HSP90AA1: variants seen among roughly 807,000 people sequenced by gnomAD.
HSP90AA1 encodes heat shock protein HSP 90-alpha.
A neutral mutation model predicts 73.3 loss-of-function variants in HSP90AA1; 18 were observed. That is an observed-to-expected ratio of 0.25 (90% CI 0.17 to 0.36). HSP90AA1 has a LOEUF of 0.36. Among genes scored for constraint, HSP90AA1 ranks in the 10% least tolerant of loss-of-function variants. The pLI is 1.00. For synonymous variants in HSP90AA1, 477 were observed against 296.9 expected, an observed-to-expected ratio of 1.61 and a Z score of -6.24; for missense variants, 704 against 874.2, an observed-to-expected ratio of 0.81 and a Z score of 2.45.
At chr14:102,118,752 T>A (rs1361113608) in intron 1 of HSP90AA1, among the ~76,000 whole-genome samples, 4 of 152,088 alleles carry the variant, frequency 2.6e-5, no homozygotes, top group Non-Finnish European at 5.9e-5. Flanking sequence ...AACAACTACA[T>A]GTTTTGTTAT....
chr14:102,134,619 G>A (rs540778620), intron 1 of HSP90AA1, among the ~76,000 whole-genome samples: 6 of 152,222 alleles, frequency 3.9e-5, no homozygotes, highest in African/African-American at 1.4e-4. Context: ...GACCTTCACG[G>A]TGAGTATTAC....
chr14:102,130,713 T>A (rs574978324), intron 1 of HSP90AA1, among the ~76,000 whole-genome samples: 146 of 152,196 alleles, frequency 9.6e-4, no homozygotes, highest in African/African-American at 3.2e-3. Context: ...TACATTTAGG[T>A]CTTTAATTCA....
chr14:102,094,773 C>T (rs1321788546), intron 2 of HSP90AA1, among the ~76,000 whole-genome samples: 1 of 152,132 alleles, frequency 6.6e-6, no homozygotes, highest in East Asian at 1.9e-4. Flanking sequence ...GGACTGGAAA[C>T]GTGGCCTGGA....
intron 1 of HSP90AA1, among the ~76,000 whole-genome samples, chr14:102,115,531 C>A (rs2049695401): frequency 6.6e-6 from 1 of 152,100 alleles, no homozygotes; most frequent in South Asian, 2.1e-4. Flanking sequence ...ACACCAACAG[C>A]AATAATATGC....
intron 1 of HSP90AA1, among the ~76,000 whole-genome samples, chr14:102,132,246 A>G (rs2049915596): frequency 6.6e-6 from 1 of 152,238 alleles, no homozygotes. Flanking sequence ...ACATGCCTGT[A>G]GTCCCAGCTA....
chr14:102,081,445 A>G lies in HSP90AA1; in HGVS notation c.*267T>C, dbSNP rs1170318513. On this transcript the variant is annotated 3_prime_UTR_variant, in exon 11 of 11. Coordinates refer to ENST00000216281, the MANE Select transcript of HSP90AA1 (RefSeq NM_005348.4). ...AAACACTTTAGACCACAAAGTTAAC[A>G]TCATGTTACATACGTCTTACAGTGC... 5.6e-6 allele frequency: 3 copies of G among 538,928 alleles called. No individual in the cohort carries two copies. Among genetic ancestry groups the G allele is most frequent in the Non-Finnish European group, 1.0e-5 (3 of 301,246 alleles). The allele number at this position is 538,928 out of a possible 1,614,324, so 33.4% of individuals were successfully genotyped here.
In HSP90AA1 at chr14:102,083,574, C is replaced by T. The variant is rs956505654; in HGVS notation, c.1458G>A (p.Glu486=). ...TGATATAATAGATATGTTTCTGGTT[C>T]TCCTTCATTCTGGTGCAGTAGTCCT... is the stretch of plus-strand genomic sequence containing the variant. ...SLKDYCTRMK[E]NQKHIYYITG... Residue 486 remains glutamate, a synonymous_variant, in exon 8 of 11, where the codon GAG becomes GAA. Transcript: ENST00000216281. The T allele has an allele frequency of 1.9e-6, 3 of 1,613,746 alleles. No homozygotes were observed. The highest frequency in any genetic ancestry group is 1.1e-5 in the South Asian group (1 of 91,078).
intron 1 of HSP90AA1, among the ~76,000 whole-genome samples, chr14:102,104,668 G>C (rs955981923): frequency 6.6e-6 from 1 of 152,008 alleles, no homozygotes; most frequent in African/African-American, 2.4e-5. Context: ...TTTCTCTACT[G>C]TACTCTTGAA....
chr14:102,082,590 A>C (rs2049123668), intron 9 of HSP90AA1, 146 bp from the exon 10 acceptor site: 10 of 686,278 alleles, frequency 1.5e-5, no homozygotes, highest in Non-Finnish European at 2.3e-5. Flanking sequence ...TTAGGTATCC[A>C]AAGAGCACAG....
intron 1 of HSP90AA1, among the ~76,000 whole-genome samples, chr14:102,117,657 G>T (rs2049723840): frequency 6.6e-6 from 1 of 152,126 alleles, no homozygotes. Flanking sequence ...CCCTTCACTT[G>T]TCTGCATACC....
chr14:102,105,656 T>C (rs1252743890), intron 1 of HSP90AA1, among the ~76,000 whole-genome samples: 1 of 152,094 alleles, frequency 6.6e-6, no homozygotes, highest in Non-Finnish European at 1.5e-5. Context: ...TGCCTGCCAG[T>C]GGGGAGTGTG....
rs373533729 is a variant in HSP90AA1 at position 102,086,138 on chromosome 14, A to T, written c.163-14T>A. The T allele has an allele frequency of 4.3e-6, 7 of 1,614,136 alleles. No homozygotes were observed. The highest frequency in any genetic ancestry group is 5.9e-6 in the Non-Finnish European group (7 of 1,180,002). On this transcript the variant is annotated splice_polypyrimidine_tract_variant and intron_variant, in intron 2 of 10. Coordinates refer to ENST00000216281, the MANE Select transcript of HSP90AA1 (RefSeq NM_005348.4). ...TTTGTCCAATGCCTGTTAACAAAAA[A>T]TATTAATTTAAGCATACAGCACCCC...
chr14:102,138,003 C>A (rs991913594), intron 1 of HSP90AA1, among the ~76,000 whole-genome samples: 1 of 149,044 alleles, frequency 6.7e-6, no homozygotes, highest in Non-Finnish European at 1.5e-5. Flanking sequence ...GACAGCGAGA[C>A]TCCATCTAAG....
At chr14:102,106,724 A>G (rs1165576586) in intron 1 of HSP90AA1, among the ~76,000 whole-genome samples, 3 of 151,824 alleles carry the variant, frequency 2.0e-5, no homozygotes, top group Non-Finnish European at 4.4e-5. Context: ...TTGTATTTTT[A>G]GTAAAGATGG....
rs2049257480 is a variant in HSP90AA1, at chr14:102,086,969, C to T, written c.-1+17G>A. The T allele has an allele frequency of 1.0e-6, 1 of 985,176 alleles. No individual in the cohort carries two copies. Among genetic ancestry groups the T allele is most frequent in the Non-Finnish European group, 1.2e-6 (1 of 829,974 alleles). 61.0% of individuals were successfully genotyped at this position (985,176 alleles called of 1,614,324 possible). A position where few individuals can be genotyped will look rare whatever the true frequency, so the allele number is the denominator to read the frequency against. ...GTCCCCAGTCCACCTCCACAGGCCCCCACAACCACCCGTCACCTTGGCTAA... is the reference window on the plus strand; with the variant it reads ...GTCCCCAGTCCACCTCCACAGGCCCTCACAACCACCCGTCACCTTGGCTAA... On this transcript the variant is annotated intron_variant, in intron 1 of 10. Coordinates refer to ENST00000216281, the MANE Select transcript of HSP90AA1 (RefSeq NM_005348.4).
intron 2 of HSP90AA1, among the ~76,000 whole-genome samples, chr14:102,099,218 C>A (rs966557946): frequency 1.3e-5 from 2 of 152,226 alleles, no homozygotes; most frequent in African/African-American, 4.8e-5. Context: ...ATACAGCATG[C>A]TGCTTATAAA....
chr14:102,083,559 G>T lies in HSP90AA1; in HGVS notation c.1473C>A (p.Ile491=). The T allele has an allele frequency of 1.9e-6, 3 of 1,613,588 alleles. No individual in the cohort carries two copies. The highest frequency in any genetic ancestry group is 1.7e-6 in the Non-Finnish European group (2 of 1,179,734). The change falls in exon 8 of 11, where the codon ATC becomes ATA. Residue 491 remains isoleucine (I), a synonymous_variant. Transcript: ENST00000216281. ...CTRMKENQKH[I]YYITGETKDQ... is the part of the protein sequence containing the mutation. ...GTGTTCTCTTACCTGTGATATAATA[G>T]ATATGTTTCTGGTTCTCCTTCATTC...
intron 1 of HSP90AA1, among the ~76,000 whole-genome samples, chr14:102,120,162 G>C (rs537571543): frequency 6.6e-6 from 1 of 152,184 alleles, no homozygotes; most frequent in African/African-American, 2.4e-5. Context: ...CCAGGAGTTC[G>C]AGACCAGCCT....
rs2049147493 is a variant in HSP90AA1 at position 102,083,582 on chromosome 14, T to C, written c.1450A>G (p.Met484Val). 3 of 1,613,868 alleles carry C rather than the reference T, an allele frequency of 1.9e-6. No individual in the cohort carries two copies. The highest frequency in any genetic ancestry group is 1.7e-6 in the Non-Finnish European group (2 of 1,179,896). Residue 484 changes from methionine (M) to valine (V), a missense_variant, in exon 8 of 11, where the codon ATG (methionine) becomes GTG (valine). By Grantham distance (21) the Met-to-Val change is conservative (BLOSUM62 1). Transcript: ENST00000216281. ...TAGATATGTTTCTGGTTCTCCTTCA[T>C]TCTGGTGCAGTAGTCCTTGAGAGAA... ...MVSLKDYCTRMKENQKHIYYI... is the reference protein window; with the variant it reads ...MVSLKDYCTRVKENQKHIYYI...
Sources: gnomAD v4.1 joint callset for allele counts (sites outside exome capture counted in the v4.1 genomes callset) on GRCh38, gnomAD v4.1.1 for gene constraint, MANE v1.5 for transcripts, NCBI Gene and HGNC (gene_info 2026-07-23, HGNC 2026-07-21) for gene names.